The following RGCC variants were observed in gnomAD, a reference collection of about 807,000 sequenced individuals.
RGCC encodes the protein regulator of cell cycle, also known as regulator of cell cycle RGCC.
A neutral mutation model predicts 15.4 loss-of-function variants in RGCC; 15 were observed. That is an observed-to-expected ratio of 0.97 (90% CI 0.65 to 1.50). RGCC has a LOEUF of 1.50. RGCC is among the 40% of genes most tolerant of loss of function. RGCC has a pLI of 0.00. For synonymous variants in RGCC, 81 were observed against 78.0 expected, an observed-to-expected ratio of 1.04 and a Z score of -0.20; for missense variants, 176 against 189.7, an observed-to-expected ratio of 0.93 and a Z score of 0.42.
At chr13:41,466,235 T>A (rs1336735885) in intron 2 of RGCC, among the ~76,000 whole-genome samples, 1 of 148,196 alleles carries the variant, frequency 6.7e-6, no homozygotes. Flanking sequence ...ACACACATAT[T>A]CTCACACACA....
At chr13:41,464,196 A>G (rs1593577480) in intron 2 of RGCC, 4 of 152,386 alleles carry the variant, frequency 2.6e-5, no homozygotes, top group African/African-American at 7.2e-5. Context: ...CTTCATAGCC[A>G]CGGATAATGT....
At chr13:41,459,621 G>C (rs145713206) in intron 2 of RGCC, among the ~76,000 whole-genome samples, 3 of 152,368 alleles carry the variant, frequency 2.0e-5, no homozygotes, top group Non-Finnish European at 4.4e-5. Context: ...CACTGCCAAA[G>C]AGTTAGACCA....
Position 41,458,170 on chromosome 13 carries a change from C to A in RGCC, c.50-115C>A. On this transcript the variant is annotated intron_variant, in intron 1 of 4. Coordinates refer to ENST00000379359, the MANE Select transcript of RGCC (RefSeq NM_014059.3). The surrounding 1 kb of genome is among the most constrained non-coding windows in gnomAD (Gnocchi z 4.4). The stretch of plus-strand genomic sequence containing the variant: ...CAGCGACTGCGTGGCTGTCACTTGG[C>A]AGAGGCGCCAAGTGTCAGTTATCTT... The A allele has an allele frequency of 1.2e-6, 1 of 855,852 alleles. No individual in the cohort carries two copies. The highest frequency in any genetic ancestry group is 1.8e-6 in the Non-Finnish European group (1 of 569,244). The allele number at this position is 855,852 out of a possible 1,614,324, so 53.0% of individuals were successfully genotyped here.
rs1296718816 is a variant in RGCC at position 41,458,396 on chromosome 13, A to AGGAGCACCT, written c.167_175dup (p.His56_Glu58dup). On this transcript the variant is annotated inframe_insertion, in exon 2 of 5. Transcript: ENST00000379359. The surrounding 1 kb of genome is among the most constrained non-coding windows in gnomAD (Gnocchi z 4.4). ...TTCCACGAGCGCCACTTCCACTACGAGGAGCACCTGGAGCGCATGAAGCGG... is the reference window on the plus strand; with the variant it reads ...TTCCACGAGCGCCACTTCCACTACGAGGAGCACCTGGAGCACCTGGAGCGCATGAAGCGG... 1.9e-6 allele frequency: 3 copies of AGGAGCACCT among 1,600,520 alleles called. No individual in the cohort carries two copies. The highest frequency in any genetic ancestry group is 2.5e-6 in the Non-Finnish European group (3 of 1,178,610).
chr13:41,470,517 G>C lies in RGCC; in HGVS notation c.*32G>C, dbSNP rs1350688013. 1 of 1,611,518 alleles carries C rather than the reference G, an allele frequency of 6.2e-7. No individual in the cohort carries two copies. The highest frequency in any genetic ancestry group is 1.1e-5 in the South Asian group (1 of 90,946). On this transcript the variant is annotated 3_prime_UTR_variant, in exon 5 of 5. Coordinates refer to ENST00000379359, the MANE Select transcript of RGCC (RefSeq NM_014059.3). ...AAGTTCTGGGTCCTTTCATCATAAGGGAGAAGCTTCAGAAAGTTCCGAGGA... is the reference window on the plus strand; with the variant it reads ...AAGTTCTGGGTCCTTTCATCATAAGCGAGAAGCTTCAGAAAGTTCCGAGGA...
At chr13:41,464,347 G>T (rs2043837295) in intron 2 of RGCC, among the ~76,000 whole-genome samples, 1 of 152,192 alleles carries the variant, frequency 6.6e-6, no homozygotes, top group Non-Finnish European at 1.5e-5. Flanking sequence ...CGATTCTCCT[G>T]GTGACTGCAT....
At chr13:41,469,373 CT>C (rs2139579142) in intron 4 of RGCC, among the ~76,000 whole-genome samples, 1 of 151,846 alleles carries the variant, frequency 6.6e-6, no homozygotes, top group East Asian at 1.9e-4. Flanking sequence ...CTGGGATAAG[CT>C]TGTGTTAAAG....
At chr13:41,463,538 T>C (rs117399094) in intron 2 of RGCC, among the ~76,000 whole-genome samples, 6,334 of 150,878 alleles carry the variant, frequency 0.042, 163 homozygotes, top group South Asian at 0.086. Flanking sequence ...AGGAAGTGAG[T>C]GTAGCTGTGC....
rs910359461 is a variant in RGCC, at chr13:41,462,326, C to A, written c.235+3856C>A. On this transcript the variant is annotated intron_variant, in intron 2 of 4. Coordinates refer to ENST00000379359, the MANE Select transcript of RGCC (RefSeq NM_014059.3). ...TAAAAAAACACACCTACCTTTTAAACAAGCCTCTATTTTGCAGCAGTGTTT... is the reference window on the plus strand; with the variant it reads ...TAAAAAAACACACCTACCTTTTAAAAAAGCCTCTATTTTGCAGCAGTGTTT... Among the ~76,000 whole-genome samples the A allele has an allele frequency of 3.5e-4, 54 of 152,268 alleles. 1 individual carries two copies. The South Asian group carries it at 6.2e-3, about 18-fold the overall frequency.
intron 2 of RGCC, among the ~76,000 whole-genome samples, chr13:41,461,603 T>C (rs1030048216): frequency 1.3e-5 from 2 of 152,076 alleles, no homozygotes; most frequent in Admixed American, 1.3e-4. Flanking sequence ...GACGGGGGAG[T>C]GTTTTGCTGC....
chr13:41,466,261 T>TCATG (rs2043848930), intron 2 of RGCC, among the ~76,000 whole-genome samples: 2 of 144,762 alleles, frequency 1.4e-5, no homozygotes, highest in African/African-American at 5.2e-5. Flanking sequence ...ACTCACACAC[T>TCATG]CATGCACACA....
rs2043802180 is a variant in RGCC at position 41,458,182 on chromosome 13, G to A, written c.50-103G>A. 5.2e-6 allele frequency: 5 copies of A among 961,818 alleles called. No individual in the cohort carries two copies. Among genetic ancestry groups the A allele is most frequent in the Admixed American group, 2.8e-5 (1 of 35,530 alleles). The allele number at this position is 961,818 out of a possible 1,614,324, so 59.6% of individuals were successfully genotyped here. A position where few individuals can be genotyped will look rare whatever the true frequency, so the allele number is the denominator to read the frequency against. ...GGCTGTCACTTGGCAGAGGCGCCAA[G>A]TGTCAGTTATCTTCGGGAACCGTGG... On this transcript the variant is annotated intron_variant, in intron 1 of 4. Transcript: ENST00000379359. The surrounding 1 kb of genome is among the most constrained non-coding windows in gnomAD (Gnocchi z 4.4).
chr13:41,470,682 T>C lies in RGCC; in HGVS notation c.*197T>C. ...GGCAATTTAGACAGTGAAACTGACT[T>C]TGTTTACCTGCTTGCAGCATATTAG... On this transcript the variant is annotated 3_prime_UTR_variant, in exon 5 of 5. Transcript: ENST00000379359. 1.7e-6 allele frequency: 1 copy of C among 594,986 alleles called. No homozygotes were observed. The highest frequency in any genetic ancestry group is 3.0e-6 in the Non-Finnish European group (1 of 332,970). 36.9% of individuals were successfully genotyped at this position (594,986 alleles called of 1,614,324 possible).
chr13:41,459,199 C>G (rs1281992060), intron 2 of RGCC, among the ~76,000 whole-genome samples: 1 of 152,188 alleles, frequency 6.6e-6, no homozygotes, highest in African/African-American at 2.4e-5. Context: ...ACAAAAGAGA[C>G]AGCTTTTTCC....
intron 4 of RGCC, among the ~76,000 whole-genome samples, chr13:41,469,881 A>G (rs2043867194): frequency 6.6e-6 from 1 of 152,192 alleles, no homozygotes; most frequent in African/African-American, 2.4e-5. Context: ...TAAGATTGCA[A>G]GAGCCAGGAG....
chr13:41,461,926 A>G (rs2043823076), intron 2 of RGCC, among the ~76,000 whole-genome samples: 1 of 152,208 alleles, frequency 6.6e-6, no homozygotes, highest in African/African-American at 2.4e-5. Context: ...TGCATGGGTA[A>G]TGGATCTTGT....
At chr13:41,463,255 T>C (rs1222234801) in intron 2 of RGCC, among the ~76,000 whole-genome samples, 2 of 152,026 alleles carry the variant, frequency 1.3e-5, no homozygotes, top group African/African-American at 4.8e-5. Context: ...GGCTCTCTTT[T>C]CATCTGTGCC....
chr13:41,466,319 A>G (rs565914277), intron 2 of RGCC, among the ~76,000 whole-genome samples: 129 of 151,930 alleles, frequency 8.5e-4, no homozygotes, highest in Admixed American at 1.8e-3. Context: ...TCTCACACAC[A>G]CACACTCCCT....
In RGCC at chr13:41,457,687, C is replaced by T. The variant is rs2139571171; in HGVS notation, c.-21C>T. 2.0e-6 allele frequency: 3 copies of T among 1,493,422 alleles called. No individual in the cohort carries two copies. Among genetic ancestry groups the T allele is most frequent in the South Asian group, 1.3e-5 (1 of 78,742 alleles). The allele number at this position is 1,493,422 out of a possible 1,614,324, so 92.5% of individuals were successfully genotyped here. On this transcript the variant is annotated 5_prime_UTR_variant, in exon 1 of 5. Transcript: ENST00000379359. The surrounding 1 kb of genome is among the most constrained non-coding windows in gnomAD (Gnocchi z 4.9). ...TCGCAGGACCCAAGGCCACGCGCGC[C>T]GGGCCCAGCTGAGCCGCCTCATGAA...
Sources: allele counts gnomAD v4.1 joint callset (sites outside exome capture counted in the v4.1 genomes callset), GRCh38; gene constraint gnomAD v4.1.1; non-coding constraint Gnocchi (gnomAD v3.1); transcripts MANE v1.5; gene names NCBI Gene and HGNC (gene_info 2026-07-23, HGNC 2026-07-21).